The following ZFYVE28 variants were observed in gnomAD, a reference collection of about 807,000 sequenced individuals.
ZFYVE28 encodes the protein lateral signaling target protein 2 homolog.
A neutral mutation model predicts 82.1 loss-of-function variants in ZFYVE28; 40 were observed. The observed-to-expected ratio is 0.49, with a 90% CI of 0.38 to 0.63. The LOEUF is 0.63. Ranked by LOEUF, ZFYVE28 falls within the 30% of genes least tolerant of loss-of-function variation. ZFYVE28 has a pLI of 0.00. For synonymous variants in ZFYVE28, 612 were observed against 546.1 expected (o/e 1.12, Z -1.68); for missense variants, 1,321 against 1,242.1 (o/e 1.06, Z -0.96).
intron 8 of ZFYVE28, among the ~76,000 whole-genome samples, chr4:2,278,951 A>G (rs1046638981): frequency 3.3e-5 from 5 of 150,016 alleles, no homozygotes; most frequent in Non-Finnish European, 5.9e-5. Flanking sequence ...CAAAAAAAAA[A>G]AACCCAGAAA....
intron 6 of ZFYVE28, chr4:2,328,804 C>CTTT: frequency 9.3e-6 from 2 of 214,764 alleles, no homozygotes; most frequent in Non-Finnish European, 8.8e-6. Context: ...CAACTTTGTT[C>CTTT]TTTTTTTTTT....
intron 6 of ZFYVE28, among the ~76,000 whole-genome samples, chr4:2,333,533 G>A (rs1480426227): frequency 2.6e-5 from 4 of 152,050 alleles, no homozygotes; most frequent in Admixed American, 6.6e-5. Context: ...CCTGGGGTGC[G>A]GCCTGCGGGG....
chr4:2,347,864 A>C (rs1032211675), intron 2 of ZFYVE28, among the ~76,000 whole-genome samples: 1 of 152,126 alleles, frequency 6.6e-6, no homozygotes, highest in African/African-American at 2.4e-5. Context: ...AGAAACTATA[A>C]AGGTTCTGTT....
intron 1 of ZFYVE28, among the ~76,000 whole-genome samples, chr4:2,395,877 C>T (rs1730388016): frequency 6.6e-6 from 1 of 152,170 alleles, no homozygotes; most frequent in Non-Finnish European, 1.5e-5. Flanking sequence ...ACTGCTGACA[C>T]TTGGCGCCAG....
chr4:2,410,534 T>C (rs1470944432), intron 1 of ZFYVE28, among the ~76,000 whole-genome samples: 1 of 151,598 alleles, frequency 6.6e-6, no homozygotes, highest in African/African-American at 2.4e-5. Flanking sequence ...CTCGCTCTGT[T>C]GCCCAGGCTG....
At chr4:2,415,568 T>A (rs1227601351) in intron 1 of ZFYVE28, among the ~76,000 whole-genome samples, 1 of 152,088 alleles carries the variant, frequency 6.6e-6, no homozygotes, top group African/African-American at 2.4e-5. Context: ...TACATCTATC[T>A]AAATACAAAG....
chr4:2,357,028 G>A (rs1212767482), intron 1 of ZFYVE28, among the ~76,000 whole-genome samples: 1 of 152,132 alleles, frequency 6.6e-6, no homozygotes, highest in Admixed American at 6.5e-5. Context: ...AAGTAGCTGG[G>A]ATTACAGGTG....
At chr4:2,337,126 C>G (rs1721947846) in intron 5 of ZFYVE28, among the ~76,000 whole-genome samples, 1 of 152,070 alleles carries the variant, frequency 6.6e-6, no homozygotes, top group South Asian at 2.1e-4. Flanking sequence ...TGTCCTCTGA[C>G]AGTGACTTCA....
chr4:2,318,350 G>C (rs1337169907), intron 7 of ZFYVE28, among the ~76,000 whole-genome samples: 2 of 152,162 alleles, frequency 1.3e-5, no homozygotes, highest in African/African-American at 2.4e-5. Flanking sequence ...CTGAGGTCAG[G>C]AGTTCAAGAC....
At chr4:2,389,549 G>C (rs1231027108) in intron 1 of ZFYVE28, among the ~76,000 whole-genome samples, 1 of 152,192 alleles carries the variant, frequency 6.6e-6, no homozygotes, top group African/African-American at 2.4e-5. Context: ...AGGCCAGGCG[G>C]CTTCTGATAG....
intron 1 of ZFYVE28, among the ~76,000 whole-genome samples, chr4:2,388,918 A>T (rs1328143709): frequency 6.6e-6 from 1 of 152,170 alleles, no homozygotes; most frequent in Non-Finnish European, 1.5e-5. Context: ...CTTTTAAAAT[A>T]AGCACTGATG....
intron 6 of ZFYVE28, chr4:2,328,791 G>A: frequency 3.9e-6 from 1 of 258,184 alleles, no homozygotes; most frequent in Non-Finnish European, 7.2e-6. Context: ...CCATCGCAGG[G>A]TCCAACTTTG....
At chr4:2,278,741 C>G (rs965756855) in intron 8 of ZFYVE28, among the ~76,000 whole-genome samples, 2 of 141,044 alleles carry the variant, frequency 1.4e-5, no homozygotes, top group Non-Finnish European at 3.0e-5. Context: ...TACAATCCAA[C>G]AACAAAAAGA....
Position 2,270,887 on chromosome 4 carries a change from C to T in ZFYVE28, c.2533-31G>A, listed in dbSNP as rs368901586. On this transcript the variant is annotated intron_variant, in intron 12 of 12. Coordinates refer to ENST00000290974, the MANE Select transcript of ZFYVE28 (RefSeq NM_020972.3). ...ATGGGGTTGGGGCAGTGAGGGTCTGCGGCAGACCAGCCCCACCCACCCTGG... is the reference window on the plus strand; with the variant it reads ...ATGGGGTTGGGGCAGTGAGGGTCTGTGGCAGACCAGCCCCACCCACCCTGG... The T allele has an allele frequency of 2.9e-5, 46 of 1,607,746 alleles. No individual in the cohort carries two copies. In the East Asian group the frequency reaches 5.4e-4, roughly 19 times the overall value.
At chr4:2,406,605 G>GC (rs1271840771) in intron 1 of ZFYVE28, 15 of 152,186 alleles carry the variant, frequency 9.9e-5, no homozygotes, top group Admixed American at 9.8e-4. Flanking sequence ...CACCTTTTCT[G>GC]CCCCTTTCTT....
At chr4:2,293,554 C>A (rs1349872592) in intron 8 of ZFYVE28, among the ~76,000 whole-genome samples, 1 of 151,920 alleles carries the variant, frequency 6.6e-6, no homozygotes, top group African/African-American at 2.4e-5. Flanking sequence ...GAGATCGAGA[C>A]CATCCTGGCT....
chr4:2,352,426 G>A (rs1334913043), intron 2 of ZFYVE28, among the ~76,000 whole-genome samples: 2 of 151,926 alleles, frequency 1.3e-5, no homozygotes, highest in Non-Finnish European at 2.9e-5. Flanking sequence ...AAGAGGGGGA[G>A]GCGTGGAAGA....
intron 1 of ZFYVE28, among the ~76,000 whole-genome samples, chr4:2,379,447 C>T (rs1430271883): frequency 1.3e-5 from 2 of 152,172 alleles, no homozygotes; most frequent in South Asian, 2.1e-4. Flanking sequence ...CTAAAATGTT[C>T]GGCTGAAGTT....
intron 6 of ZFYVE28, among the ~76,000 whole-genome samples, chr4:2,323,028 G>A (rs932305439): frequency 3.3e-5 from 5 of 152,130 alleles, no homozygotes; most frequent in African/African-American, 1.2e-4. Context: ...GTTTGTTCAC[G>A]GACATATGTT....
Sources: gnomAD v4.1 joint callset for allele counts (sites outside exome capture counted in the v4.1 genomes callset) on GRCh38, gnomAD v4.1.1 for gene constraint, MANE v1.5 for transcripts, NCBI Gene and HGNC (gene_info 2026-07-23, HGNC 2026-07-21) for gene names.